Variants in IGF2BP2 observed in about 807,000 individuals in gnomAD.
IGF2BP2 encodes insulin like growth factor 2 mRNA binding protein 2, also known as insulin-like growth factor 2 mRNA-binding protein 2.
Under a neutral mutation model 75.8 loss-of-function variants are expected in IGF2BP2, and 17 were observed. That is an observed-to-expected ratio of 0.22 (90% CI 0.15 to 0.34). IGF2BP2 has a LOEUF of 0.34. Among genes scored for constraint, IGF2BP2 ranks in the 10% least tolerant of loss-of-function variants. The pLI, the probability that IGF2BP2 is intolerant of heterozygous loss-of-function variation, is 1.00. For synonymous variants in IGF2BP2, 288 were observed against 295.6 expected (o/e 0.97, Z 0.26); for missense variants, 516 against 772.4 (o/e 0.67, Z 3.93).
chr3:185,756,981 TA>T (rs1309550360), intron 2 of IGF2BP2, among the ~76,000 whole-genome samples: 1 of 152,022 alleles, frequency 6.6e-6, no homozygotes, highest in Non-Finnish European at 1.5e-5. Flanking sequence ...AATAAATAAA[TA>T]AAAGAAACTC....
intron 2 of IGF2BP2, chr3:185,713,313 A>G: frequency 2.3e-6 from 1 of 442,998 alleles, no homozygotes; most frequent in Non-Finnish European, 4.5e-6. Flanking sequence ...TTTGATCTAA[A>G]CAGCTCTGTA....
intron 2 of IGF2BP2, among the ~76,000 whole-genome samples, chr3:185,705,537 A>G (rs1723902967): frequency 6.6e-6 from 1 of 151,264 alleles, no homozygotes; most frequent in Non-Finnish European, 1.5e-5. Context: ...ACAGAAACTC[A>G]TGGAAGTTCA....
At chr3:185,720,261 G>A (rs1339613842) in intron 2 of IGF2BP2, among the ~76,000 whole-genome samples, 1 of 152,202 alleles carries the variant, frequency 6.6e-6, no homozygotes, top group Non-Finnish European at 1.5e-5. Flanking sequence ...GGCTCTTGCA[G>A]GGGGAGATAA....
At chr3:185,660,092 C>T (rs1022393748) in intron 10 of IGF2BP2, among the ~76,000 whole-genome samples, 32 of 152,188 alleles carry the variant, frequency 2.1e-4, no homozygotes, top group African/African-American at 7.0e-4. Flanking sequence ...CCACCGCGCC[C>T]GGTCTGATAT....
At chr3:185,660,532 G>A (rs1716256141) in intron 10 of IGF2BP2, among the ~76,000 whole-genome samples, 1 of 152,184 alleles carries the variant, frequency 6.6e-6, no homozygotes, top group African/African-American at 2.4e-5. Flanking sequence ...GCCTGCCGGC[G>A]ACAGAGCTCC....
intron 2 of IGF2BP2, among the ~76,000 whole-genome samples, chr3:185,795,000 C>G (rs981012363): frequency 1.1e-4 from 16 of 152,092 alleles, no homozygotes; most frequent in African/African-American, 3.6e-4. Context: ...CGGGTTCATG[C>G]CATTCTCTTG....
Position 185,689,457 on chromosome 3 carries a change from ATC to A in IGF2BP2, c.573_574del (p.Gln191HisfsTer2). 2 of 1,613,874 alleles carry A rather than the reference ATC, an allele frequency of 1.2e-6. No homozygotes were observed. The highest frequency in any genetic ancestry group is 1.7e-6 in the Non-Finnish European group (2 of 1,179,878). On this transcript the variant is annotated frameshift_variant, in exon 6 of 16. Coordinates refer to ENST00000382199, the MANE Select transcript of IGF2BP2 (RefSeq NM_006548.6). LOFTEE classifies it high-confidence loss of function. ...GACCAGGATCCGCAGCGGGAAATCA[ATC>A]TGTCTGGCCTGAGAAGTGCCCCCAG... is the stretch of plus-strand genomic sequence containing the variant.
intron 2 of IGF2BP2, among the ~76,000 whole-genome samples, chr3:185,782,496 T>C (rs1419220578): frequency 6.6e-6 from 1 of 152,098 alleles, no homozygotes; most frequent in African/African-American, 2.4e-5. Flanking sequence ...TTCTCTAATT[T>C]ACCATGTTCA....
intron 2 of IGF2BP2, among the ~76,000 whole-genome samples, chr3:185,723,788 G>A (rs534872014): frequency 7.6e-4 from 115 of 152,300 alleles, no homozygotes; most frequent in African/African-American, 2.7e-3. Flanking sequence ...GACAGCATAC[G>A]ATGGGAGCTC....
At chr3:185,675,947 A>G in intron 7 of IGF2BP2, 34 bp from the exon 8 acceptor site, 1 of 1,611,112 alleles carries the variant, frequency 6.2e-7, no homozygotes, top group Non-Finnish European at 8.5e-7. Flanking sequence ...AACACTTCAG[A>G]TACGTATAAC....
intron 2 of IGF2BP2, among the ~76,000 whole-genome samples, chr3:185,748,454 C>A (rs1349692979): frequency 6.6e-6 from 1 of 152,204 alleles, no homozygotes; most frequent in Non-Finnish European, 1.5e-5. Flanking sequence ...CCTTTTCAAA[C>A]TTCAATTTTC....
intron 2 of IGF2BP2, among the ~76,000 whole-genome samples, chr3:185,808,339 G>T (rs1739333946): frequency 6.6e-6 from 1 of 151,696 alleles, no homozygotes; most frequent in African/African-American, 2.4e-5. Context: ...AATTAGCTGA[G>T]TGTGGTGGCA....
At chr3:185,670,834 T>C (rs912320018) in intron 10 of IGF2BP2, among the ~76,000 whole-genome samples, 4 of 152,110 alleles carry the variant, frequency 2.6e-5, no homozygotes, top group Non-Finnish European at 4.4e-5. Flanking sequence ...CCTCCCAAAG[T>C]GCTGGGATTA....
At chr3:185,683,874 G>C (rs576193044) in intron 7 of IGF2BP2, among the ~76,000 whole-genome samples, 1 of 152,316 alleles carries the variant, frequency 6.6e-6, no homozygotes, top group Non-Finnish European at 1.5e-5. Flanking sequence ...GGGAACGTGA[G>C]ACATGCTGAG....
intron 10 of IGF2BP2, 82 bp from the exon 11 acceptor site, chr3:185,658,491 C>T (rs957595648): frequency 3.2e-5 from 37 of 1,139,694 alleles, no homozygotes; most frequent in South Asian, 5.5e-5. Flanking sequence ...TCCCAACATG[C>T]GACACAGGCT....
intron 2 of IGF2BP2, among the ~76,000 whole-genome samples, chr3:185,715,723 A>C (rs1725506005): frequency 6.6e-6 from 1 of 151,746 alleles, no homozygotes; most frequent in Non-Finnish European, 1.5e-5. Context: ...GGCTCACTGC[A>C]ACCTCCACCT....
chr3:185,683,547 T>C (rs555537451), intron 7 of IGF2BP2, among the ~76,000 whole-genome samples: 2 of 152,218 alleles, frequency 1.3e-5, no homozygotes, highest in African/African-American at 4.8e-5. Context: ...TAGCTGGGAC[T>C]ACAGGTGTCC....
chr3:185,649,193 C>T (rs1714131905), intron 14 of IGF2BP2, among the ~76,000 whole-genome samples: 1 of 151,744 alleles, frequency 6.6e-6, no homozygotes, highest in Non-Finnish European at 1.5e-5. Flanking sequence ...GATTGGGGGC[C>T]CTAAGTTGTG....
chr3:185,680,832 A>AGG (rs59832641), intron 7 of IGF2BP2, among the ~76,000 whole-genome samples: 1 of 152,050 alleles, frequency 6.6e-6, no homozygotes, highest in Non-Finnish European at 1.5e-5. Context: ...AACAGAAAGA[A>AGG]GGGGGGGGAA....
Sources: gnomAD v4.1 joint callset for allele counts (sites outside exome capture counted in the v4.1 genomes callset) on GRCh38, gnomAD v4.1.1 for gene constraint, MANE v1.5 for transcripts, NCBI Gene and HGNC (gene_info 2026-07-23, HGNC 2026-07-21) for gene names.